EPYC: variants seen among roughly 807,000 people sequenced by gnomAD.
EPYC encodes the protein epiphycan, also known as dermatan sulfate proteoglycan 3.
A neutral mutation model predicts 30.1 loss-of-function variants in EPYC; 28 were observed. That is an observed-to-expected ratio of 0.93 (90% CI 0.69 to 1.28). The LOEUF (loss-of-function observed/expected upper bound fraction) is 1.28. EPYC is among the 50% of genes most tolerant of loss of function. The pLI, the probability that EPYC is intolerant of heterozygous loss-of-function variation, is 0.00. For missense variants in EPYC, 382 were observed against 383.5 expected (o/e 1.00, Z 0.03); for synonymous variants, 144 against 141.4 (o/e 1.02, Z -0.13).
At chr12:90,996,019 T>C (rs952468187) in intron 2 of EPYC, among the ~76,000 whole-genome samples, 4 of 151,884 alleles carry the variant, frequency 2.6e-5, no homozygotes, top group Admixed American at 6.6e-5. Context: ...ATGCAAACCA[T>C]ATGTATGAAA....
intron 3 of EPYC, among the ~76,000 whole-genome samples, chr12:90,977,243 T>C (rs575672873): frequency 6.6e-6 from 1 of 152,288 alleles, no homozygotes; most frequent in Non-Finnish European, 1.5e-5. Context: ...ATTCTCTGTG[T>C]ATATAAAAGT....
At chr12:90,995,396 A>C (rs1267564174) in intron 2 of EPYC, among the ~76,000 whole-genome samples, 2 of 152,076 alleles carry the variant, frequency 1.3e-5, no homozygotes, top group East Asian at 3.9e-4. Context: ...AAATCACTTA[A>C]TTTCAGAGAA....
chr12:90,978,275 A>T lies in EPYC; in HGVS notation c.166-13T>A. On this transcript the variant is annotated splice_polypyrimidine_tract_variant and intron_variant, in intron 2 of 6. Transcript: ENST00000261172. Reference sequence around the variant, plus strand: ...TGGCTATTTCAATCTGAAAAAAAAAAAAAAAAGAGAATTTCTTCAGGCCAA... The same window carrying T: ...TGGCTATTTCAATCTGAAAAAAAAATAAAAAAGAGAATTTCTTCAGGCCAA... The T allele has an allele frequency of 6.4e-7, 1 of 1,574,022 alleles. No homozygotes were observed.
At chr12:90,992,122 G>T (rs906965025) in intron 2 of EPYC, among the ~76,000 whole-genome samples, 2 of 152,158 alleles carry the variant, frequency 1.3e-5, no homozygotes, top group Non-Finnish European at 2.9e-5. Context: ...TTCTGCCTCA[G>T]ATCATCAGGC....
At chr12:90,983,633 CAA>C (rs1468620412) in intron 2 of EPYC, among the ~76,000 whole-genome samples, 1 of 152,102 alleles carries the variant, frequency 6.6e-6, no homozygotes, top group Non-Finnish European at 1.5e-5. Flanking sequence ...GAGGAACTCT[CAA>C]AGTCACATCG....
intron 1 of EPYC, among the ~76,000 whole-genome samples, chr12:91,003,433 G>A (rs1437714666): frequency 6.6e-6 from 1 of 151,956 alleles, no homozygotes; most frequent in Non-Finnish European, 1.5e-5. Flanking sequence ...ATGCCTGTGG[G>A]ATTATAGCCA....
intron 2 of EPYC, among the ~76,000 whole-genome samples, chr12:90,995,896 A>G (rs1355440758): frequency 6.6e-6 from 1 of 151,900 alleles, no homozygotes; most frequent in Non-Finnish European, 1.5e-5. Context: ...CTTCCTGTAG[A>G]TCATCTTTAG....
chr12:91,002,619 A>G, intron 1 of EPYC, 41 bp from the exon 2 acceptor site: 1 of 1,444,242 alleles, frequency 6.9e-7, no homozygotes, highest in Admixed American at 2.1e-5. Context: ...TTTAATTGAT[A>G]ACTTATGAAT....
intron 6 of EPYC, among the ~76,000 whole-genome samples, chr12:90,966,014 T>G (rs912381075): frequency 3.3e-5 from 5 of 152,110 alleles, no homozygotes; most frequent in African/African-American, 1.2e-4. Context: ...ATTTATTAGT[T>G]CAACTAGTTT....
chr12:90,976,856 G>A (rs1877195669), intron 3 of EPYC, among the ~76,000 whole-genome samples: 2 of 152,042 alleles, frequency 1.3e-5, no homozygotes, highest in African/African-American at 4.8e-5. Flanking sequence ...GTTTTATAAG[G>A]CGTTTCCCCT....
chr12:90,970,334 A>G (rs942937908), intron 5 of EPYC, among the ~76,000 whole-genome samples, 195 bp from the exon 6 acceptor site: 2 of 152,204 alleles, frequency 1.3e-5, no homozygotes, highest in African/African-American at 4.8e-5. Context: ...TGAGTTTTGG[A>G]AAAATTGGCT....
chr12:90,965,190 A>G (rs1047354145), intron 6 of EPYC, among the ~76,000 whole-genome samples: 5 of 152,122 alleles, frequency 3.3e-5, no homozygotes, highest in African/African-American at 9.7e-5. Context: ...TTGGTACTTC[A>G]TTCTTTTTTG....
At chr12:90,994,641 G>C (rs553043195) in intron 2 of EPYC, among the ~76,000 whole-genome samples, 11 of 152,200 alleles carry the variant, frequency 7.2e-5, no homozygotes, top group Admixed American at 3.9e-4. Flanking sequence ...TGCTCAAGCA[G>C]AGCCAAATTG....
At chr12:90,966,165 A>G (rs1231154531) in intron 6 of EPYC, among the ~76,000 whole-genome samples, 2 of 152,032 alleles carry the variant, frequency 1.3e-5, no homozygotes, top group Non-Finnish European at 2.9e-5. Context: ...TATAACTGCC[A>G]GGCTCAATAC....
intron 2 of EPYC, among the ~76,000 whole-genome samples, chr12:90,989,175 T>A (rs1320766115): frequency 6.6e-6 from 1 of 152,126 alleles, no homozygotes; most frequent in Non-Finnish European, 1.5e-5. Context: ...TAGGTTGATT[T>A]ATCTAGTACA....
intron 2 of EPYC, among the ~76,000 whole-genome samples, chr12:90,979,133 A>G (rs1877267072): frequency 6.6e-6 from 1 of 152,070 alleles, no homozygotes; most frequent in South Asian, 2.1e-4. Context: ...TCTCTTTCAG[A>G]TTTCTTCCCT....
intron 2 of EPYC, among the ~76,000 whole-genome samples, chr12:91,000,845 G>T (rs148656041): frequency 2.2e-4 from 33 of 152,108 alleles, no homozygotes; most frequent in African/African-American, 7.9e-4. Context: ...CAAGGCAGAT[G>T]AATTAACCAC....
intron 6 of EPYC, among the ~76,000 whole-genome samples, chr12:90,966,042 AT>A (rs1361584946): frequency 6.6e-6 from 1 of 152,110 alleles, no homozygotes; most frequent in South Asian, 2.1e-4. Flanking sequence ...ATTCCTTAAT[AT>A]TTTTTATATG....
intron 6 of EPYC, 45 bp downstream of exon 6, chr12:90,969,999 G>T (rs545128897): frequency 6.3e-6 from 9 of 1,417,898 alleles, no homozygotes; most frequent in Admixed American, 5.2e-5. Context: ...TTTTGGCTTT[G>T]CTTTCTCTGA....
Sources: gnomAD v4.1 joint callset for allele counts (sites outside exome capture counted in the v4.1 genomes callset) on GRCh38, gnomAD v4.1.1 for gene constraint, MANE v1.5 for transcripts, NCBI Gene and HGNC (gene_info 2026-07-23, HGNC 2026-07-21) for gene names.